MAP4: variants seen among roughly 807,000 people sequenced by gnomAD.
MAP4 encodes microtubule associated protein 4, also known as microtubule-associated protein 4.
In MAP4, 76 loss-of-function variants were observed where a neutral mutation model predicts 170.2. The observed-to-expected ratio is 0.45, with a 90% CI of 0.37 to 0.54. The LOEUF is 0.54. Ranked by LOEUF, MAP4 falls within the 20% of genes least tolerant of loss-of-function variation. The pLI, the probability that MAP4 is intolerant of heterozygous loss-of-function variation, is 0.00. For missense variants in MAP4, 2,506 were observed against 2,748.0 expected (o/e 0.91, Z 1.97); for synonymous variants, 909 against 994.5 (o/e 0.91, Z 1.62).
At chr3:47,901,996 CA>C (rs988739296) in intron 10 of MAP4, among the ~76,000 whole-genome samples, 17 of 152,122 alleles carry the variant, frequency 1.1e-4, no homozygotes, top group Admixed American at 5.2e-4. Context: ...CCCATCTCTA[CA>C]AAAAATATTC....
In MAP4 at chr3:47,916,325, C is replaced by A. The variant is rs747402520; in HGVS notation, c.1502G>T (p.Gly501Val). ...TAGTGGAGACATGTCCTTCAACAAG[C>A]CCACTTCTTTTACTGTGGACGGAGC... is the stretch of plus-strand genomic sequence containing the variant. ...DVAPSTVKEV[G>V]LLKDMSPLSE... Residue 501 changes from glycine to valine, a missense_variant, in exon 7 of 21, where the codon GGC becomes GTC. Around this residue, in one of 3 missense-constraint regions of MAP4, gnomAD observed 2,008 missense variants for 2,206.0 expected, o/e 0.91. Coordinates refer to ENST00000683076, the MANE Select transcript of MAP4 (RefSeq NM_001385682.1). The A allele has an allele frequency of 1.2e-6, 2 of 1,614,210 alleles. No homozygotes were observed. The highest frequency in any genetic ancestry group is 2.2e-5 in the East Asian group (1 of 44,896).
intron 4 of MAP4, 132 bp from the exon 5 acceptor site, chr3:47,922,010 C>T (rs1008998320): frequency 7.1e-6 from 4 of 562,442 alleles, no homozygotes; most frequent in Admixed American, 5.8e-5. Context: ...TGCAGTGGTG[C>T]CATCTTGGTT....
At position 47,911,035 on chromosome 3, in the gene MAP4, G is replaced by C; in HGVS notation, c.3386C>G (p.Thr1129Ser). 1.3e-6 allele frequency: 2 copies of C among 1,536,140 alleles called. No individual in the cohort carries two copies. Among genetic ancestry groups the C allele is most frequent in the Non-Finnish European group, 1.7e-6 (2 of 1,146,900 alleles). ...LGLNSSKQPG[T>S]KADLTEAVVM... is the part of the protein sequence containing the mutation. ...CACTGCCTCCGTGAGATCAGCCTTAGTGCCTGGTTGCTTTGAAGAATTCAG... is the reference window on the plus strand; with the variant it reads ...CACTGCCTCCGTGAGATCAGCCTTACTGCCTGGTTGCTTTGAAGAATTCAG... The change falls in exon 9 of 21, where the codon ACT becomes AGT. Residue 1129 changes from threonine to serine, a missense_variant. Transcript: ENST00000683076. This position sits in a 1 kb window ranked among gnomAD's most constrained non-coding sequence, Gnocchi z 4.0.
chr3:48,064,549 A>T (rs1414492770), intron 1 of MAP4, among the ~76,000 whole-genome samples: 1 of 151,954 alleles, frequency 6.6e-6, no homozygotes, highest in Non-Finnish European at 1.5e-5. Context: ...TGCTTGAATT[A>T]CTCTTTCTCT....
intron 3 of MAP4, 118 bp downstream of exon 3, chr3:47,977,745 ACT>A: frequency 1.5e-6 from 1 of 674,180 alleles, no homozygotes; most frequent in Non-Finnish European, 2.6e-6. Context: ...CAACAAGAAC[ACT>A]ACCACCCTCA....
rs189688417 is a variant in MAP4, at chr3:47,986,353, T to A, written c.224-8420A>T. On this transcript the variant is annotated intron_variant, in intron 2 of 20. Coordinates refer to ENST00000683076, the MANE Select transcript of MAP4 (RefSeq NM_001385682.1). ...TTGTTTTTTGGGGGGTTTTTTTGTA[T>A]TTTTTTTGAGATGGAGTCACTCTGT... Among the ~76,000 whole-genome samples, 92 of 151,890 alleles carry A rather than the reference T, an allele frequency of 6.1e-4. 2 individuals are homozygous for A. In the East Asian group the frequency reaches 0.015, roughly 25 times the overall value.
chr3:47,868,416 C>G (rs2084464757), intron 16 of MAP4, among the ~76,000 whole-genome samples: 1 of 152,144 alleles, frequency 6.6e-6, no homozygotes, highest in African/African-American at 2.4e-5. Context: ...GAGCCTTGGT[C>G]TGAACCTAGG....
intron 2 of MAP4, among the ~76,000 whole-genome samples, chr3:47,989,220 G>T (rs2154337458): frequency 1.3e-5 from 2 of 152,262 alleles, no homozygotes; most frequent in South Asian, 4.1e-4. Flanking sequence ...AGACCAACCT[G>T]GGCAATATAG....
chr3:48,037,921 C>T (rs1453992185), intron 1 of MAP4, among the ~76,000 whole-genome samples: 3 of 151,898 alleles, frequency 2.0e-5, no homozygotes, highest in South Asian at 4.2e-4. Flanking sequence ...AATCCCAGCA[C>T]TTTGGGAGGC....
At chr3:48,080,530 T>C (rs949469792) in intron 1 of MAP4, among the ~76,000 whole-genome samples, 2 of 152,282 alleles carry the variant, frequency 1.3e-5, no homozygotes, top group South Asian at 4.1e-4. Flanking sequence ...TTCCTTAGGA[T>C]CAAGTATAGC....
chr3:47,861,455 C>T (rs1248945831), intron 17 of MAP4, among the ~76,000 whole-genome samples: 1 of 150,742 alleles, frequency 6.6e-6, no homozygotes, highest in Non-Finnish European at 1.5e-5. Flanking sequence ...CTGGTTCAAG[C>T]GATTCTCCTG....
chr3:48,067,108 G>A (rs2100138720), intron 1 of MAP4, among the ~76,000 whole-genome samples: 1 of 151,876 alleles, frequency 6.6e-6, no homozygotes, highest in African/African-American at 2.4e-5. Context: ...CCAAAGTGCT[G>A]AGATCACAAG....
chr3:48,085,993 A>G (rs530672250), intron 1 of MAP4, among the ~76,000 whole-genome samples: 1 of 152,292 alleles, frequency 6.6e-6, no homozygotes, highest in African/African-American at 2.4e-5. Flanking sequence ...CGAAGGTTGC[A>G]GTGAGCTGAG....
intron 1 of MAP4, among the ~76,000 whole-genome samples, chr3:48,052,937 CATTTCA>C (rs1457228349): frequency 2.4e-4 from 36 of 152,084 alleles, no homozygotes; most frequent in African/African-American, 8.2e-4. Flanking sequence ...TCTAAGAACA[CATTTCA>C]ATTTCAACTC....
rs533623409 is a variant in MAP4 at position 48,063,508 on chromosome 3, A to G, written c.-20+25265T>C. On this transcript the variant is annotated intron_variant, in intron 1 of 18. Coordinates refer to the MAP4 transcript ENST00000360240. ...CAATTGCACTCCTTGATATTTACCC[A>G]AAGATGAAAACTCATGTCAACACAA... 7.9e-5 allele frequency among the ~76,000 whole-genome samples: 12 copies of G among 152,326 alleles called. 1 individual carries two copies. In the East Asian group the frequency reaches 9.6e-4, roughly 12 times the overall value.
chr3:48,065,802 A>G (rs756093963), intron 1 of MAP4, among the ~76,000 whole-genome samples: 54 of 152,118 alleles, frequency 3.5e-4, no homozygotes, highest in Non-Finnish European at 7.1e-4. Flanking sequence ...TCAAGCAACA[A>G]TGTAAGCCAG....
rs554025815 is a variant in MAP4 at position 47,911,274 on chromosome 3, A to G, written c.3147T>C (p.Asn1049=). Residue 1049 remains asparagine (N), a synonymous_variant, in exon 9 of 21, where the codon AAT becomes AAC. Transcript: ENST00000683076. The surrounding 1 kb of genome is among the most constrained non-coding windows in gnomAD (Gnocchi z 4.0). ...CACCTGCCATTCTCTTAAATGGTTCATTCTCTACCCCAGGGACCTGTACCA... is the reference window on the plus strand; with the variant it reads ...CACCTGCCATTCTCTTAAATGGTTCGTTCTCTACCCCAGGGACCTGTACCA... ...QVLVQVPGVE[N]EPFKRMAGDG... The G allele has an allele frequency of 1.9e-5, 29 of 1,536,038 alleles. No individual in the cohort carries two copies. In the East Asian group the frequency reaches 7.1e-4, roughly 38 times the overall value.
At chr3:47,930,650 C>T (rs558347687) in intron 3 of MAP4, among the ~76,000 whole-genome samples, 22 of 152,174 alleles carry the variant, frequency 1.4e-4, no homozygotes, top group African/African-American at 4.1e-4. Flanking sequence ...ACTTGATGGC[C>T]AGCTGCAGCG....
At chr3:48,029,740 C>G (rs1371756105) in intron 1 of MAP4, among the ~76,000 whole-genome samples, 1 of 152,098 alleles carries the variant, frequency 6.6e-6, no homozygotes, top group South Asian at 2.1e-4. Context: ...TGGCTTACGC[C>G]TGTAATCCCA....
Sources: allele counts gnomAD v4.1 joint callset (sites outside exome capture counted in the v4.1 genomes callset), GRCh38; gene constraint gnomAD v4.1.1; regional missense constraint gnomAD v4.1.1; non-coding constraint Gnocchi (gnomAD v3.1); transcripts MANE v1.5; gene names NCBI Gene and HGNC (gene_info 2026-07-23, HGNC 2026-07-21).